PTPRM: variants seen among roughly 807,000 people sequenced by gnomAD.
The protein encoded by PTPRM is protein tyrosine phosphatase receptor type M.
A neutral mutation model predicts 186.7 loss-of-function variants in PTPRM; 47 were observed. The observed-to-expected ratio is 0.25, with a 90% CI of 0.20 to 0.32. PTPRM has a LOEUF of 0.32. Ranked by LOEUF, PTPRM falls within the 10% of genes least tolerant of loss-of-function variation. The pLI is 1.00. For synonymous variants in PTPRM, 668 were observed against 674.9 expected, an observed-to-expected ratio of 0.99 and a Z score of 0.16; for missense variants, 1,494 against 1,865.0, an observed-to-expected ratio of 0.80 and a Z score of 3.66.
intron 7 of PTPRM, among the ~76,000 whole-genome samples, chr18:7,995,136 A>G (rs1226272719): frequency 6.6e-6 from 1 of 152,190 alleles, no homozygotes; most frequent in African/African-American, 2.4e-5. Flanking sequence ...ATTACAATTG[A>G]TACCACAGAA....
intron 1 of PTPRM, among the ~76,000 whole-genome samples, chr18:7,687,997 C>T (rs183849505): frequency 1.6e-3 from 236 of 152,064 alleles, no homozygotes; most frequent in Middle Eastern, 3.4e-3. Flanking sequence ...AGGATGGTCT[C>T]GATCTCTTGA....
chr18:8,376,725 T>G (rs2095697820), intron 26 of PTPRM, 128 bp downstream of exon 26: 1 of 1,127,902 alleles, frequency 8.9e-7, no homozygotes, highest in Non-Finnish European at 1.2e-6. Flanking sequence ...TGGCATTCCC[T>G]GTTCCTTCCC....
chr18:8,067,808 G>A (rs2089198370), intron 7 of PTPRM, among the ~76,000 whole-genome samples: 1 of 152,146 alleles, frequency 6.6e-6, no homozygotes. Flanking sequence ...GCTGAACTGG[G>A]GAATGTGGCC....
chr18:8,269,045 A>G (rs554969301), intron 19 of PTPRM, among the ~76,000 whole-genome samples: 1 of 152,182 alleles, frequency 6.6e-6, no homozygotes, highest in African/African-American at 2.4e-5. Flanking sequence ...TCAACATAGT[A>G]CTAGAAATCC....
intron 20 of PTPRM, among the ~76,000 whole-genome samples, chr18:8,298,670 A>G (rs2095122788): frequency 6.6e-6 from 1 of 152,266 alleles, no homozygotes; most frequent in Non-Finnish European, 1.5e-5. Flanking sequence ...CGAAATAGGT[A>G]GTATTTTTGT....
intron 19 of PTPRM, among the ~76,000 whole-genome samples, chr18:8,268,794 C>A (rs2094734027): frequency 6.6e-6 from 1 of 151,944 alleles, no homozygotes. Flanking sequence ...AAATATGATA[C>A]CCCACATTAA....
chr18:8,264,211 A>T (rs1206125302), intron 19 of PTPRM, among the ~76,000 whole-genome samples: 1 of 152,196 alleles, frequency 6.6e-6, no homozygotes, highest in Non-Finnish European at 1.5e-5. Context: ...GAGAAAAAGC[A>T]CTTTGGCTTT....
rs529505634 is a variant in PTPRM at position 8,080,817 on chromosome 18, A to G, written c.1551+4253A>G. On this transcript the variant is annotated intron_variant, in intron 9 of 32. Coordinates refer to ENST00000580170, the MANE Select transcript of PTPRM (RefSeq NM_001105244.2). Reference sequence around the variant, plus strand: ...TTCTGGAACTCAATGAGCCATGTATATGAAATTGTCTCTTCGCCAAGAGCC... The same window carrying G: ...TTCTGGAACTCAATGAGCCATGTATGTGAAATTGTCTCTTCGCCAAGAGCC... 2.4e-4 allele frequency among the ~76,000 whole-genome samples: 36 copies of G among 152,308 alleles called. 1 individual carries two copies. In the South Asian group the frequency reaches 7.3e-3, roughly 31 times the overall value.
At chr18:8,339,202 CT>C (rs34738661) in intron 22 of PTPRM, among the ~76,000 whole-genome samples, 15 of 151,756 alleles carry the variant, frequency 9.9e-5, no homozygotes, top group Non-Finnish European at 1.8e-4. Context: ...GTTCCGCCCC[CT>C]TTTTTTTCCC....
intron 22 of PTPRM, among the ~76,000 whole-genome samples, chr18:8,320,992 C>T (rs975757496): frequency 2.0e-5 from 3 of 152,160 alleles, no homozygotes; most frequent in African/African-American, 7.2e-5. Flanking sequence ...GGATGCATGT[C>T]AGAGTCTGGT....
chr18:8,297,882 G>C (rs1166126563), intron 20 of PTPRM, among the ~76,000 whole-genome samples: 2 of 152,204 alleles, frequency 1.3e-5, no homozygotes, highest in African/African-American at 4.8e-5. Context: ...GTATTTAGTA[G>C]CATTGGAGTG....
intron 14 of PTPRM, among the ~76,000 whole-genome samples, chr18:8,236,537 G>T (rs899719478): frequency 1.3e-4 from 19 of 151,894 alleles, no homozygotes; most frequent in Admixed American, 2.6e-4. Context: ...CTTTTAATTG[G>T]TTTATTTTTT....
At chr18:8,099,860 G>A (rs1416082768) in intron 11 of PTPRM, among the ~76,000 whole-genome samples, 1 of 152,162 alleles carries the variant, frequency 6.6e-6, no homozygotes. Context: ...CTAATTGTGT[G>A]ACCTGAAGTC....
chr18:7,646,694 G>A (rs1288173937), intron 1 of PTPRM, among the ~76,000 whole-genome samples: 2 of 152,098 alleles, frequency 1.3e-5, no homozygotes, highest in East Asian at 3.9e-4. Flanking sequence ...TTAAGGCCTA[G>A]CACCTGTCTT....
At chr18:7,607,166 A>C (rs2037551194) in intron 1 of PTPRM, among the ~76,000 whole-genome samples, 1 of 152,134 alleles carries the variant, frequency 6.6e-6, no homozygotes, top group South Asian at 2.1e-4. Context: ...GTGTTACTGC[A>C]TCAAACATTC....
intron 7 of PTPRM, among the ~76,000 whole-genome samples, chr18:8,063,758 T>G (rs2088823470): frequency 6.6e-6 from 1 of 152,198 alleles, no homozygotes; most frequent in Admixed American, 6.5e-5. Flanking sequence ...TTAAAAAAAT[T>G]CTCAAAATAT....
At chr18:8,151,034 G>A (rs757823326) in intron 14 of PTPRM, among the ~76,000 whole-genome samples, 7 of 152,226 alleles carry the variant, frequency 4.6e-5, no homozygotes, top group South Asian at 2.1e-4. Flanking sequence ...ACGAGATGCC[G>A]CTCAGAGCTC....
At chr18:7,892,912 C>T (rs889424539) in intron 3 of PTPRM, among the ~76,000 whole-genome samples, 3 of 152,182 alleles carry the variant, frequency 2.0e-5, no homozygotes, top group Non-Finnish European at 4.4e-5. Context: ...GCTGTCCCCT[C>T]GTCACCCCAT....
intron 12 of PTPRM, 117 bp downstream of exon 12, chr18:8,113,876 A>G: frequency 1.2e-5 from 13 of 1,076,412 alleles, no homozygotes; most frequent in Non-Finnish European, 1.7e-5. Context: ...ACTTGTAAAC[A>G]AATGTGATTT....
Sources: allele counts gnomAD v4.1 joint callset (sites outside exome capture counted in the v4.1 genomes callset), GRCh38; gene constraint gnomAD v4.1.1; transcripts MANE v1.5; gene names NCBI Gene and HGNC (gene_info 2026-07-23, HGNC 2026-07-21).